Variants in HS6ST2 observed in about 807,000 individuals in gnomAD.
HS6ST2 encodes the protein heparan sulfate 6-O-sulfotransferase 2, also known as heparan-sulfate 6-O-sulfotransferase 2.
A neutral mutation model predicts 33.0 loss-of-function variants in HS6ST2; 17 were observed. The observed-to-expected ratio is 0.52, with a 90% CI of 0.35 to 0.77. The LOEUF (loss-of-function observed/expected upper bound fraction) is 0.77, where lower values mean the gene tolerates loss of function less well. HS6ST2 is among the 30% of genes least tolerant of loss of function. The pLI, the probability that HS6ST2 is intolerant of heterozygous loss-of-function variation, is 0.01. For missense variants in HS6ST2, 519 were observed against 551.7 expected, an observed-to-expected ratio of 0.94 and a Z score of 0.59; for synonymous variants, 248 against 237.1, an observed-to-expected ratio of 1.05 and a Z score of -0.42.
chrX:132,881,150 G>C (rs2066167842), intron 2 of HS6ST2, among the ~76,000 whole-genome samples: 1 of 111,240 alleles, frequency 9.0e-6, no homozygotes, highest in African/African-American at 3.3e-5. Context: ...CCAGTAATGG[G>C]ATGGCTGGGT....
At chrX:132,806,742 C>A (rs1318297691) in intron 2 of HS6ST2, among the ~76,000 whole-genome samples, 1 of 109,239 alleles carries the variant, frequency 9.2e-6, no homozygotes, top group African/African-American at 3.3e-5. Flanking sequence ...TTTTTTTCAA[C>A]CTTTTAAAAA....
At chrX:132,767,116 A>G (rs1451275119) in intron 2 of HS6ST2, among the ~76,000 whole-genome samples, 1 of 112,530 alleles carries the variant, frequency 8.9e-6, no homozygotes, top group Non-Finnish European at 1.9e-5. Context: ...AGTCTCCCTC[A>G]AAGAGAGGTT....
chrX:132,667,092 T>G (rs1360676385), intron 4 of HS6ST2, among the ~76,000 whole-genome samples: 4 of 111,314 alleles, frequency 3.6e-5, no homozygotes, highest in Non-Finnish European at 5.7e-5. Context: ...TCTCACCATA[T>G]GCACAGAAGG....
intron 2 of HS6ST2, among the ~76,000 whole-genome samples, chrX:132,843,420 G>GT (rs1218556425): frequency 4.5e-5 from 5 of 111,354 alleles, no homozygotes; most frequent in Admixed American, 1.9e-4. Flanking sequence ...ACGTGTGTGT[G>GT]TTTTTTTAAA....
At chrX:132,759,196 C>T (rs1410725832) in intron 2 of HS6ST2, among the ~76,000 whole-genome samples, 4 of 111,761 alleles carry the variant, frequency 3.6e-5, no homozygotes, top group Non-Finnish European at 7.5e-5. Context: ...GAAAATCTTT[C>T]CCTCCCCTTA....
chrX:132,785,624 T>C (rs1364051266), intron 2 of HS6ST2, among the ~76,000 whole-genome samples: 2 of 111,682 alleles, frequency 1.8e-5, no homozygotes, highest in African/African-American at 3.3e-5. Flanking sequence ...CTGAATTGAA[T>C]TGAAGCGCAA....
At chrX:132,787,165 ATG>A (rs201025636) in intron 2 of HS6ST2, among the ~76,000 whole-genome samples, 3 of 67,993 alleles carry the variant, frequency 4.4e-5, no homozygotes, top group African/African-American at 1.3e-4. Flanking sequence ...GTATATATAT[ATG>A]TATATATATA....
intron 4 of HS6ST2, among the ~76,000 whole-genome samples, chrX:132,657,430 G>A (rs1425307258): frequency 2.7e-5 from 3 of 110,011 alleles, no homozygotes; most frequent in Non-Finnish European, 3.8e-5. Context: ...AGGACATAAC[G>A]ATCTGTGGGA....
chrX:132,871,183 T>C (rs963570615), intron 2 of HS6ST2, among the ~76,000 whole-genome samples: 6 of 112,503 alleles, frequency 5.3e-5, no homozygotes, highest in Non-Finnish European at 9.4e-5. Flanking sequence ...AAGCTCATCA[T>C]CAGTGGTCAT....
In HS6ST2 at chrX:132,845,163, C is replaced by A. The variant is rs983448161; in HGVS notation, c.947+111645G>T. 1.2e-4 allele frequency among the ~76,000 whole-genome samples: 13 copies of A among 108,163 alleles called. No individual in the cohort carries two copies. The Admixed American group carries it at 1.3e-3, about 11-fold the overall frequency. The allele number at this position is 108,163 out of a possible 115,157, so 93.9% of individuals were successfully genotyped here. A position where few individuals can be genotyped will look rare whatever the true frequency, so the allele number is the denominator to read the frequency against. On this transcript the variant is annotated intron_variant, in intron 2 of 4. Coordinates refer to ENST00000370833, the MANE Select transcript of HS6ST2 (RefSeq NM_001394073.1). ...ACATTATACATATTGTGTATTTCAT[C>A]GAGAGAGAGATTGATTCAGAGGATC...
intron 2 of HS6ST2, among the ~76,000 whole-genome samples, chrX:132,870,549 A>G (rs758583465): frequency 2.7e-5 from 3 of 111,822 alleles, no homozygotes; most frequent in African/African-American, 6.5e-5. Context: ...AAAACAGCAT[A>G]GTACTGGTAC....
At chrX:132,646,502 C>T (rs1207271395) in intron 4 of HS6ST2, among the ~76,000 whole-genome samples, 1 of 96,821 alleles carries the variant, frequency 1.0e-5, no homozygotes, top group East Asian at 3.3e-4. Flanking sequence ...GCTCTGCACT[C>T]TAGTCTGAAT....
intron 2 of HS6ST2, among the ~76,000 whole-genome samples, chrX:132,947,284 A>G (rs1215980562): frequency 1.8e-5 from 2 of 109,364 alleles, no homozygotes; most frequent in African/African-American, 6.7e-5. Flanking sequence ...GTGTGTGTGT[A>G]TATATATATA....
intron 2 of HS6ST2, among the ~76,000 whole-genome samples, chrX:132,709,466 A>G (rs984690564): frequency 9.0e-6 from 1 of 111,394 alleles, no homozygotes; most frequent in African/African-American, 3.3e-5. Flanking sequence ...ATCATTTGAG[A>G]AGCAATACAT....
chrX:132,931,591 T>A (rs927141331), intron 2 of HS6ST2, among the ~76,000 whole-genome samples: 5 of 111,637 alleles, frequency 4.5e-5, no homozygotes, highest in African/African-American at 9.8e-5. Context: ...AAGACCCCTG[T>A]CCTTGCCTCC....
chrX:132,664,186 A>G (rs2063794465), intron 4 of HS6ST2, among the ~76,000 whole-genome samples: 1 of 110,254 alleles, frequency 9.1e-6, no homozygotes, highest in Non-Finnish European at 1.9e-5. Context: ...AATTTTTTGT[A>G]TTTTTGTAGA....
At chrX:132,887,333 C>T (rs1013718103) in intron 2 of HS6ST2, among the ~76,000 whole-genome samples, 1 of 111,435 alleles carries the variant, frequency 9.0e-6, no homozygotes, top group Non-Finnish European at 1.9e-5. Context: ...AGAACATAAA[C>T]CAATTATAAG....
At chrX:132,894,529 T>TG (rs1029056457) in intron 2 of HS6ST2, among the ~76,000 whole-genome samples, 23 of 107,106 alleles carry the variant, frequency 2.1e-4, no homozygotes, top group African/African-American at 7.5e-4. Flanking sequence ...TGTTATGTTA[T>TG]TTATTTTGAT....
At chrX:132,817,126 A>G (rs955774504) in intron 2 of HS6ST2, among the ~76,000 whole-genome samples, 4 of 110,676 alleles carry the variant, frequency 3.6e-5, no homozygotes, top group African/African-American at 1.3e-4. Context: ...CATCCTAGAG[A>G]CTCAACTACA....
Sources: gnomAD v4.1 joint callset for allele counts (sites outside exome capture counted in the v4.1 genomes callset) on GRCh38, gnomAD v4.1.1 for gene constraint, MANE v1.5 for transcripts, NCBI Gene and HGNC (gene_info 2026-07-23, HGNC 2026-07-21) for gene names.